The following SGCZ variants were observed in gnomAD, a reference collection of about 807,000 sequenced individuals.
The protein encoded by SGCZ is zeta-sarcoglycan.
SGCZ carries 40 observed loss-of-function variants against 41.3 expected under a neutral mutation model. That is an observed-to-expected ratio of 0.97 (90% CI 0.75 to 1.26). The LOEUF is 1.26. Among genes scored for constraint, SGCZ ranks in the 50% most tolerant of loss-of-function variants. SGCZ has a pLI of 0.00. For missense variants in SGCZ, 552 were observed against 369.8 expected, an observed-to-expected ratio of 1.49 and a Z score of -4.04; for synonymous variants, 206 against 137.5, an observed-to-expected ratio of 1.50 and a Z score of -3.49.
chr8:14,105,974 A>G (rs745903063), intron 6 of SGCZ, among the ~76,000 whole-genome samples: 8 of 152,276 alleles, frequency 5.3e-5, no homozygotes, highest in South Asian at 4.1e-4. Context: ...AAGTTTATTG[A>G]ATAAATTGGT....
rs536025843 is a variant in SGCZ at position 14,191,498 on chromosome 8, T to A, written c.425-26796A>T. ...TATAGATCTTTAATCCATTTGGAGT[T>A]GATTTTTGTGTACGGTGTGATATAA... On this transcript the variant is annotated intron_variant, in intron 4 of 7. Transcript: ENST00000382080. Among the ~76,000 whole-genome samples the A allele has an allele frequency of 2.6e-5, 4 of 152,324 alleles. No individual in the cohort carries two copies. In the East Asian group the frequency reaches 5.8e-4, roughly 22 times the overall value.
At chr8:14,247,344 C>G (rs766047633) in intron 3 of SGCZ, among the ~76,000 whole-genome samples, 1 of 152,066 alleles carries the variant, frequency 6.6e-6, no homozygotes, top group East Asian at 1.9e-4. Flanking sequence ...TTCTCCCAAC[C>G]GATAATACGG....
intron 2 of SGCZ, among the ~76,000 whole-genome samples, chr8:14,456,731 C>T (rs1800755890): frequency 1.3e-5 from 2 of 152,064 alleles, no homozygotes; most frequent in African/African-American, 4.8e-5. Context: ...ATGTCCTCAC[C>T]CAAATCTCAT....
chr8:14,933,410 TA>T (rs1249895011), intron 1 of SGCZ, among the ~76,000 whole-genome samples: 1 of 150,450 alleles, frequency 6.6e-6, no homozygotes, highest in Non-Finnish European at 1.5e-5. Flanking sequence ...GAAGGAGTTT[TA>T]TTCCATATAC....
intron 1 of SGCZ, among the ~76,000 whole-genome samples, chr8:14,960,055 G>C (rs1486617388): frequency 6.6e-6 from 1 of 152,192 alleles, no homozygotes; most frequent in Non-Finnish European, 1.5e-5. Context: ...GTGAAGCAAA[G>C]AGGTTGCACA....
intron 4 of SGCZ, among the ~76,000 whole-genome samples, chr8:14,229,769 T>A (rs1806496747): frequency 6.6e-6 from 1 of 152,108 alleles, no homozygotes; most frequent in African/African-American, 2.4e-5. Context: ...TTCCCAGGTG[T>A]TCACTGTAAT....
chr8:14,125,578 C>T (rs187044220), intron 5 of SGCZ, among the ~76,000 whole-genome samples: 153 of 151,610 alleles, frequency 1.0e-3, no homozygotes, highest in African/African-American at 1.7e-3. Context: ...AGATTTAATG[C>T]TATTTCCATC....
intron 2 of SGCZ, among the ~76,000 whole-genome samples, chr8:14,374,410 C>T (rs1446944521): frequency 6.6e-6 from 1 of 152,076 alleles, no homozygotes; most frequent in Non-Finnish European, 1.5e-5. Context: ...AGGGAAAACA[C>T]ATATGAAAGT....
chr8:14,684,354 C>CATGCCATGACT (rs1808539638), intron 1 of SGCZ, among the ~76,000 whole-genome samples: 1 of 152,110 alleles, frequency 6.6e-6, no homozygotes, highest in Non-Finnish European at 1.5e-5. Context: ...ATTGAAAAGT[C>CATGCCATGACT]ATGGCAACGT....
At chr8:14,630,428 T>C (rs1806608310) in intron 1 of SGCZ, among the ~76,000 whole-genome samples, 1 of 152,070 alleles carries the variant, frequency 6.6e-6, no homozygotes, top group African/African-American at 2.4e-5. Context: ...TTGGTGAGAC[T>C]GTAAACTAGT....
intron 6 of SGCZ, 143 bp from the exon 7 acceptor site, chr8:14,102,642 CATTTTAGGCAAAGCCAGAAT>C: frequency 1.4e-6 from 1 of 739,846 alleles, no homozygotes; most frequent in East Asian, 3.5e-5. Context: ...AAAGTCCTAC[CATTTTAGGCAAAGCCAGAAT>C]GAGTTTCAGA....
chr8:14,213,927 T>C (rs1370946719), intron 4 of SGCZ, among the ~76,000 whole-genome samples: 1 of 152,100 alleles, frequency 6.6e-6, no homozygotes, highest in African/African-American at 2.4e-5. Context: ...ACCCTTAAGG[T>C]GGAAAAACTT....
At chr8:14,546,693 T>C (rs938507025) in intron 2 of SGCZ, among the ~76,000 whole-genome samples, 26 of 152,134 alleles carry the variant, frequency 1.7e-4, no homozygotes, top group African/African-American at 6.0e-4. Flanking sequence ...CAAAAGATAA[T>C]TAATAAGCAG....
chr8:15,157,996 T>G (rs888013832), intron 1 of SGCZ, among the ~76,000 whole-genome samples: 2 of 152,192 alleles, frequency 1.3e-5, no homozygotes, highest in African/African-American at 4.8e-5. Flanking sequence ...CACTTTTGTT[T>G]TGCTGTTGCT....
chr8:14,109,908 A>G (rs73520371), intron 5 of SGCZ, among the ~76,000 whole-genome samples: 3,251 of 152,200 alleles, frequency 0.021, 146 homozygotes, highest in African/African-American at 0.075. Context: ...GCTAAAAGCT[A>G]TTGGCATTTG....
chr8:14,528,855 A>G (rs1487493526), intron 2 of SGCZ, among the ~76,000 whole-genome samples: 2 of 151,516 alleles, frequency 1.3e-5, no homozygotes, highest in Non-Finnish European at 2.9e-5. Context: ...AAAACAAAAA[A>G]AGAGAAAGTG....
At chr8:15,212,113 A>C (rs1801254105) in intron 1 of SGCZ, among the ~76,000 whole-genome samples, 1 of 152,158 alleles carries the variant, frequency 6.6e-6, no homozygotes. Context: ...ATGGGATCTC[A>C]AGAAACGACT....
At chr8:14,981,863 C>T (rs1212479632) in intron 1 of SGCZ, among the ~76,000 whole-genome samples, 2 of 152,090 alleles carry the variant, frequency 1.3e-5, no homozygotes, top group Non-Finnish European at 2.9e-5. Flanking sequence ...AAGGGAATGA[C>T]ATTAGGCTGA....
At position 14,985,352 on chromosome 8, in the gene SGCZ, T is replaced by C. The variant is rs118166738; in HGVS notation, c.39+252233A>G. 5.3e-5 allele frequency among the ~76,000 whole-genome samples: 8 copies of C among 152,292 alleles called. No individual in the cohort carries two copies. In the East Asian group the frequency reaches 1.5e-3, roughly 29 times the overall value. ...CCCGTTTTATACATGAGAAGGCATATTTTCATGCTTTCTCTGACGAAAGGA... is the reference window on the plus strand; with the variant it reads ...CCCGTTTTATACATGAGAAGGCATACTTTCATGCTTTCTCTGACGAAAGGA... On this transcript the variant is annotated intron_variant, in intron 1 of 7. Coordinates refer to ENST00000382080, the MANE Select transcript of SGCZ (RefSeq NM_139167.4).
Sources: gnomAD v4.1 joint callset for allele counts (sites outside exome capture counted in the v4.1 genomes callset) on GRCh38, gnomAD v4.1.1 for gene constraint, MANE v1.5 for transcripts, NCBI Gene and HGNC (gene_info 2026-07-23, HGNC 2026-07-21) for gene names.